Variants in ERC1 observed in about 807,000 individuals in gnomAD.
ERC1 encodes ELKS/RAB6-interacting/CAST family member 1, also known as RAB6 interacting protein 2.
Under a neutral mutation model 132.0 loss-of-function variants are expected in ERC1, and 56 were observed. The observed-to-expected ratio is 0.42, with a 90% CI of 0.34 to 0.53. ERC1 has a LOEUF of 0.53. Ranked by LOEUF, ERC1 falls within the 20% of genes least tolerant of loss-of-function variation. ERC1 has a pLI of 0.03. For missense variants in ERC1, 1,202 were observed against 1,349.9 expected, an observed-to-expected ratio of 0.89 and a Z score of 1.72; for synonymous variants, 478 against 476.1, an observed-to-expected ratio of 1.00 and a Z score of -0.05.
intron 16 of ERC1, among the ~76,000 whole-genome samples, chr12:1,392,748 G>T (rs1023040266): frequency 6.6e-6 from 1 of 152,140 alleles, no homozygotes; most frequent in African/African-American, 2.4e-5. Context: ...GATAATTTAA[G>T]ATACTTTTCT....
intron 1 of ERC1, among the ~76,000 whole-genome samples, chr12:1,016,736 C>T (rs200901778): frequency 6.6e-6 from 1 of 150,424 alleles, no homozygotes; most frequent in Non-Finnish European, 1.5e-5. Context: ...CTGCAACCTC[C>T]GCCTCCTGGG....
chr12:1,008,703 CTG>C (rs1400695179), intron 1 of ERC1, among the ~76,000 whole-genome samples: 1 of 152,090 alleles, frequency 6.6e-6, no homozygotes, highest in Non-Finnish European at 1.5e-5. Flanking sequence ...AATATTTCAT[CTG>C]TATTTATATC....
intron 15 of ERC1, among the ~76,000 whole-genome samples, chr12:1,304,556 T>C (rs1207822180): frequency 6.6e-6 from 1 of 152,200 alleles, no homozygotes; most frequent in Non-Finnish European, 1.5e-5. Context: ...GCACAACTGG[T>C]TAAGCAGCCA....
At position 1,083,431 on chromosome 12, in the gene ERC1, C is replaced by T; in HGVS notation, c.937C>T (p.Leu313=). Residue 313 remains leucine (L), a synonymous_variant, in exon 3 of 19, where the codon CTG becomes TTG. Transcript: ENST00000360905. ...TCGGGATGAATCCATTAAGAAGCTT[C>T]TGGAAATGTTGCAGAGCAAAGGACT... The part of the protein sequence containing the change: ...NARDESIKKL[L]EMLQSKGLSA... 1 of 1,614,180 alleles carries T rather than the reference C, an allele frequency of 6.2e-7. No individual in the cohort carries two copies. The highest frequency in any genetic ancestry group is 8.5e-7 in the Non-Finnish European group (1 of 1,180,044).
chr12:1,029,926 T>G (rs1240247349), intron 2 of ERC1, among the ~76,000 whole-genome samples: 1 of 152,102 alleles, frequency 6.6e-6, no homozygotes, highest in Non-Finnish European at 1.5e-5. Context: ...ATTTGTATTT[T>G]TAGTAGAGAC....
At chr12:1,270,663 TTAATA>T (rs1283100372) in intron 14 of ERC1, among the ~76,000 whole-genome samples, 1 of 151,604 alleles carries the variant, frequency 6.6e-6, no homozygotes, top group Non-Finnish European at 1.5e-5. Context: ...CTTATAATAT[TTAATA>T]TATCTATTGG....
At chr12:1,415,644 T>G (rs1203989296) in intron 17 of ERC1, among the ~76,000 whole-genome samples, 5 of 152,244 alleles carry the variant, frequency 3.3e-5, no homozygotes, top group Non-Finnish European at 5.9e-5. Flanking sequence ...TTAAATTATC[T>G]TGCAGAATTA....
chr12:1,218,375 C>A (rs941013374), intron 12 of ERC1, among the ~76,000 whole-genome samples: 2 of 152,076 alleles, frequency 1.3e-5, no homozygotes, highest in Non-Finnish European at 2.9e-5. Context: ...TACTAACCTG[C>A]CTTTAGAGTT....
At chr12:1,308,365 G>A (rs1355854758) in intron 15 of ERC1, among the ~76,000 whole-genome samples, 2 of 151,972 alleles carry the variant, frequency 1.3e-5, no homozygotes, top group African/African-American at 4.8e-5. Context: ...TTAAAATTAG[G>A]ACATTTCAAT....
At chr12:1,266,109 G>A (rs77744399) in intron 14 of ERC1, among the ~76,000 whole-genome samples, 3,883 of 152,186 alleles carry the variant, frequency 0.026, 71 homozygotes, top group South Asian at 0.078. Context: ...TCATATGGTA[G>A]GAGTTTTGGA....
At chr12:1,263,824 G>A (rs551773461) in intron 14 of ERC1, among the ~76,000 whole-genome samples, 2 of 152,028 alleles carry the variant, frequency 1.3e-5, no homozygotes, top group South Asian at 4.2e-4. Context: ...CGAGTAGCTG[G>A]GATTACAGGT....
chr12:1,312,029 T>C (rs1412521618), intron 15 of ERC1, among the ~76,000 whole-genome samples: 2 of 152,222 alleles, frequency 1.3e-5, no homozygotes, highest in Non-Finnish European at 2.9e-5. Flanking sequence ...TGATTTTGTC[T>C]TTTGCATCTC....
intron 14 of ERC1, among the ~76,000 whole-genome samples, chr12:1,285,314 TCAAGGC>T (rs2078970572): frequency 6.6e-6 from 1 of 152,098 alleles, no homozygotes; most frequent in South Asian, 2.1e-4. Context: ...AAAGAAAAGA[TCAAGGC>T]AGCCCAAGAT....
intron 15 of ERC1, among the ~76,000 whole-genome samples, chr12:1,309,013 G>A (rs2081087924): frequency 6.6e-6 from 1 of 152,310 alleles, no homozygotes; most frequent in South Asian, 2.1e-4. Flanking sequence ...GAGAAAAGCT[G>A]TGAGTAGATG....
At chr12:1,275,008 T>C (rs1157336286) in intron 14 of ERC1, among the ~76,000 whole-genome samples, 3 of 152,030 alleles carry the variant, frequency 2.0e-5, no homozygotes, top group Admixed American at 2.0e-4. Flanking sequence ...GCTCTATGGA[T>C]AGTAGGTGAG....
intron 18 of ERC1, among the ~76,000 whole-genome samples, chr12:1,451,049 G>C (rs1170028438): frequency 1.3e-5 from 2 of 152,038 alleles, no homozygotes; most frequent in Non-Finnish European, 1.5e-5. Context: ...TACATAGTTA[G>C]ATAGTTATCC....
chr12:1,154,070 T>C (rs1160253716), intron 8 of ERC1, among the ~76,000 whole-genome samples: 1 of 152,096 alleles, frequency 6.6e-6, no homozygotes, highest in Non-Finnish European at 1.5e-5. Flanking sequence ...CTCCCTCTTA[T>C]GAGTGAGAAC....
intron 15 of ERC1, among the ~76,000 whole-genome samples, chr12:1,327,841 A>AT (rs113400728): frequency 0.14 from 20,958 of 146,838 alleles, 2,722 homozygotes; most frequent in African/African-American, 0.35. Flanking sequence ...TCATCTCATC[A>AT]TTTTTTTTTT....
chr12:1,333,874 T>C (rs913002012), intron 15 of ERC1, among the ~76,000 whole-genome samples: 2 of 152,198 alleles, frequency 1.3e-5, no homozygotes, highest in Non-Finnish European at 2.9e-5. Flanking sequence ...CCGCCAACAA[T>C]GTATAAGTGT....
Sources: allele counts gnomAD v4.1 joint callset (sites outside exome capture counted in the v4.1 genomes callset), GRCh38; gene constraint gnomAD v4.1.1; transcripts MANE v1.5; gene names NCBI Gene and HGNC (gene_info 2026-07-23, HGNC 2026-07-21).